OR2L13: variants seen among roughly 807,000 people sequenced by gnomAD.
The protein encoded by OR2L13 is olfactory receptor family 2 subfamily L member 13.
Under a neutral mutation model 15.3 loss-of-function variants are expected in OR2L13, and 14 were observed. That is an observed-to-expected ratio of 0.91 (90% CI 0.60 to 1.43). The LOEUF is 1.43. Ranked by LOEUF, OR2L13 falls within the 40% of genes most tolerant of loss-of-function variation. The pLI is 0.00. For synonymous variants in OR2L13, 152 were observed against 142.9 expected, an observed-to-expected ratio of 1.06 and a Z score of -0.45; for missense variants, 367 against 387.9, an observed-to-expected ratio of 0.95 and a Z score of 0.45.
rs1476776183 is a variant in OR2L13, at chr1:248,099,625, T to C, written c.250T>C (p.Phe84Leu). ...CACCGTCCCCAAGATGGCGTACAAC[T>C]TCCTGTCCGGCCAGAAAGGCATCTC... Residue 84 changes from phenylalanine (F) to leucine (L), a missense_variant, in exon 3 of 3, where the codon TTC becomes CTC. By Grantham distance (22) the Phe-to-Leu change is conservative. Transcript: ENST00000641714. 4 of 1,613,992 alleles carry C rather than the reference T, an allele frequency of 2.5e-6. No individual in the cohort carries two copies. The Admixed American group carries it at 6.7e-5, about 27-fold the overall frequency.
the OR2L13 span, among the ~76,000 whole-genome samples, chr1:248,015,031 T>C: frequency 6.6e-6 from 1 of 152,194 alleles, no homozygotes; most frequent in African/African-American, 2.4e-5. Flanking sequence ...CTTACCTATG[T>C]ATCTATCTAT....
At chr1:248,006,243 ATGTG>A in the OR2L13 span, among the ~76,000 whole-genome samples, 8,166 of 139,602 alleles carry the variant, frequency 0.058, 229 homozygotes, top group Middle Eastern at 0.08. Context: ...ATTGCAAGAT[ATGTG>A]TGTGTGTGTG....
the OR2L13 span, among the ~76,000 whole-genome samples, chr1:248,008,226 A>T: frequency 5.3e-5 from 8 of 152,136 alleles, no homozygotes; most frequent in Non-Finnish European, 1.0e-4. Flanking sequence ...CTTATTTTCC[A>T]CTAGCTTTAC....
chr1:247,986,288 A>G, the OR2L13 span, among the ~76,000 whole-genome samples: 3 of 152,264 alleles, frequency 2.0e-5, no homozygotes, highest in South Asian at 2.1e-4. Context: ...TAATTTTTGT[A>G]TAAGGTGTAA....
the OR2L13 span, chr1:248,029,356 T>C: frequency 6.6e-6 from 1 of 152,268 alleles, no homozygotes; most frequent in African/African-American, 2.4e-5. Context: ...TGAAGAAATA[T>C]TACTTTTCTC....
chr1:248,029,988 A>G, the OR2L13 span: 3 of 152,212 alleles, frequency 2.0e-5, no homozygotes, highest in African/African-American at 7.2e-5. Context: ...GACAATCCCC[A>G]GTGAATACCA....
chr1:248,025,402 C>A, the OR2L13 span, among the ~76,000 whole-genome samples: 83 of 148,802 alleles, frequency 5.6e-4, 1 homozygote, highest in Non-Finnish European at 1.1e-3. Context: ...CAATGAGATA[C>A]CATCTCACAC....
chr1:247,981,155 A>G, the OR2L13 span, among the ~76,000 whole-genome samples: 1 of 152,150 alleles, frequency 6.6e-6, no homozygotes, highest in Non-Finnish European at 1.5e-5. Flanking sequence ...CTGGATGGGA[A>G]GCTAAATGAT....
chr1:247,997,105 AATAAAT>A, the OR2L13 span: 17 of 152,314 alleles, frequency 1.1e-4, 1 homozygote, highest in South Asian at 2.1e-3. Context: ...TGCATATCAA[AATAAAT>A]ATAAATAAAA....
the OR2L13 span, among the ~76,000 whole-genome samples, chr1:247,943,072 A>G: frequency 7.9e-5 from 12 of 152,172 alleles, no homozygotes; most frequent in Admixed American, 7.9e-4. Flanking sequence ...TTTTAAAACT[A>G]TATATACATA....
the OR2L13 span, among the ~76,000 whole-genome samples, chr1:248,005,538 A>G: frequency 6.6e-6 from 1 of 152,082 alleles, no homozygotes; most frequent in Non-Finnish European, 1.5e-5. Flanking sequence ...GGGGTCTTTT[A>G]TAGTTCCATA....
the OR2L13 span, among the ~76,000 whole-genome samples, chr1:248,053,511 G>GTCT: frequency 2.6e-5 from 4 of 152,178 alleles, no homozygotes; most frequent in African/African-American, 9.7e-5. Context: ...CCAGTTCTAA[G>GTCT]TCTTTGAGGA....
At chr1:247,986,758 T>C in the OR2L13 span, among the ~76,000 whole-genome samples, 2 of 152,234 alleles carry the variant, frequency 1.3e-5, no homozygotes, top group Admixed American at 1.3e-4. Flanking sequence ...GGAATGTTCT[T>C]CCATTTGTTT....
chr1:248,065,540 C>G, the OR2L13 span, among the ~76,000 whole-genome samples: 54 of 150,756 alleles, frequency 3.6e-4, 1 homozygote, highest in African/African-American at 1.3e-3. Context: ...CCCACTAACT[C>G]GTCATCTAGC....
the OR2L13 span, among the ~76,000 whole-genome samples, chr1:248,032,298 ATTTT>A: frequency 6.6e-6 from 1 of 152,024 alleles, no homozygotes; most frequent in African/African-American, 2.4e-5. Context: ...TGTTTTTATT[ATTTT>A]TTATTTCTTA....
chr1:248,094,781 G>A (rs1421058109), upstream of OR2L13, among the ~76,000 whole-genome samples: 1 of 152,162 alleles, frequency 6.6e-6, no homozygotes, highest in South Asian at 2.1e-4. Flanking sequence ...CTAAAGAGTG[G>A]ACAGGAAACT....
chr1:248,038,970 A>G, the OR2L13 span: 1 of 1,614,094 alleles, frequency 6.2e-7, no homozygotes, highest in African/African-American at 1.3e-5. Flanking sequence ...AGGGAGGAAG[A>G]AGGCCTATTC....
chr1:247,975,434 C>T, the OR2L13 span: 98 of 720,696 alleles, frequency 1.4e-4, no homozygotes, highest in African/African-American at 6.0e-4. Flanking sequence ...AAGGCCTATT[C>T]GACCTGTAGC....
At chr1:247,985,824 C>T in the OR2L13 span, among the ~76,000 whole-genome samples, 3 of 152,060 alleles carry the variant, frequency 2.0e-5, no homozygotes, top group South Asian at 4.2e-4. Context: ...AGATGGTATC[C>T]CATTGTGGTT....
Sources: gnomAD v4.1 joint callset for allele counts (sites outside exome capture counted in the v4.1 genomes callset) on GRCh38, gnomAD v4.1.1 for gene constraint, MANE v1.5 for transcripts, NCBI Gene and HGNC (gene_info 2026-07-23, HGNC 2026-07-21) for gene names.